The following SDHB variants were observed in gnomAD, a reference collection of about 807,000 sequenced individuals.
SDHB encodes succinate dehydrogenase [ubiquinone] iron-sulfur subunit, mitochondrial.
SDHB carries 21 observed loss-of-function variants against 39.7 expected under a neutral mutation model. That is an observed-to-expected ratio of 0.53 (90% CI 0.37 to 0.76). The LOEUF (loss-of-function observed/expected upper bound fraction) is 0.76. SDHB is among the 30% of genes least tolerant of loss of function. SDHB has a pLI of 0.00. For synonymous variants in SDHB, 118 were observed against 117.0 expected (o/e 1.01, Z -0.06); for missense variants, 343 against 350.9 (o/e 0.98, Z 0.18).
chr1:17,037,877 C>T (rs937167024), intron 2 of SDHB, among the ~76,000 whole-genome samples: 1 of 152,144 alleles, frequency 6.6e-6, no homozygotes, highest in Non-Finnish European at 1.5e-5. Context: ...TGGCTCACAC[C>T]TGCAATCCCA....
chr1:17,027,681 G>T, intron 5 of SDHB, 68 bp downstream of exon 5: 1 of 993,080 alleles, frequency 1.0e-6, no homozygotes, highest in Non-Finnish European at 1.6e-6. Context: ...TCCCTGCCAA[G>T]CCACACTCCT....
chr1:17,041,679 A>G (rs1181710891), intron 2 of SDHB, among the ~76,000 whole-genome samples: 3 of 152,188 alleles, frequency 2.0e-5, no homozygotes, highest in Non-Finnish European at 4.4e-5. Context: ...AAAAATAAAA[A>G]AGAAAAAAAA....
intron 3 of SDHB, among the ~76,000 whole-genome samples, chr1:17,031,545 G>A (rs2078022852): frequency 6.6e-6 from 1 of 152,150 alleles, no homozygotes; most frequent in African/African-American, 2.4e-5. Flanking sequence ...GAAGGCTGCT[G>A]TTTAACTGCC....
Position 17,018,817 on chromosome 1 carries a change from C to G in SDHB, c.*64G>C. 1 of 1,198,704 alleles carries G rather than the reference C, an allele frequency of 8.3e-7. No homozygotes were observed. The highest frequency in any genetic ancestry group is 1.2e-5 in the South Asian group (1 of 81,316). The allele number at this position is 1,198,704 out of a possible 1,614,324, so 74.3% of individuals were successfully genotyped here. A position where few individuals can be genotyped will look rare whatever the true frequency, so the allele number is the denominator to read the frequency against. ...GAAAACCAAGATCTTTAAAGGAACT[C>G]AAATTAGATATAAATTATGTTCAGC... On this transcript the variant is annotated 3_prime_UTR_variant, in exon 8 of 8. Coordinates refer to ENST00000375499, the MANE Select transcript of SDHB (RefSeq NM_003000.3).
chr1:17,020,185 T>C (rs2077954008), intron 7 of SDHB, among the ~76,000 whole-genome samples: 1 of 152,174 alleles, frequency 6.6e-6, no homozygotes, highest in Non-Finnish European at 1.5e-5. Context: ...TACCTGTGTA[T>C]TTCCGGTCCC....
chr1:17,032,959 G>GTCTCTATCTGGAAC (rs2078031384), intron 3 of SDHB, 101 bp downstream of exon 3: 2 of 859,580 alleles, frequency 2.3e-6, no homozygotes, highest in Admixed American at 3.7e-5. Context: ...ACCCAGCAGA[G>GTCTCTATCTGGAAC]AGCTGCAGCT....
At chr1:17,031,220 T>C (rs2078021372) in intron 3 of SDHB, among the ~76,000 whole-genome samples, 1 of 152,158 alleles carries the variant, frequency 6.6e-6, no homozygotes, top group South Asian at 2.1e-4. Flanking sequence ...GACTGGATAT[T>C]ATCAATACAT....
At position 17,033,111 on chromosome 1, in the gene SDHB, T is replaced by A. The variant is rs771524558; in HGVS notation, c.235A>T (p.Ile79Phe). The change falls in exon 3 of 8, where the codon ATT becomes TTT. Residue 79 changes from isoleucine (I) to phenylalanine (F), a missense_variant. Coordinates refer to ENST00000375499, the MANE Select transcript of SDHB (RefSeq NM_003000.3). ...AAAGTAGAGTCAACTTCATTCTTAA[T>A]CTTGATTAAAGCATCCAATACCATG... is the stretch of plus-strand genomic sequence containing the variant. ...GPMVLDALIKIKNEVDSTLTF... is the reference protein window; with the variant it reads ...GPMVLDALIKFKNEVDSTLTF... The A allele has an allele frequency of 1.2e-6, 2 of 1,613,962 alleles. No homozygotes were observed. Among genetic ancestry groups the A allele is most frequent in the Admixed American group, 3.3e-5 (2 of 60,024 alleles).
At chr1:17,037,672 G>C (rs1410182268) in intron 2 of SDHB, among the ~76,000 whole-genome samples, 3 of 152,194 alleles carry the variant, frequency 2.0e-5, no homozygotes, top group Non-Finnish European at 4.4e-5. Flanking sequence ...GTCCAGGGTG[G>C]TCTTGAACTC....
intron 1 of SDHB, among the ~76,000 whole-genome samples, chr1:17,050,711 C>A (rs1180530865): frequency 6.6e-6 from 1 of 151,558 alleles, no homozygotes; most frequent in Non-Finnish European, 1.5e-5. Flanking sequence ...GGGGGTTTAC[C>A]AGAATGAAAG....
At chr1:17,023,045 A>C (rs551375616) in intron 6 of SDHB, 2 of 375,310 alleles carry the variant, frequency 5.3e-6, no homozygotes, top group African/African-American at 4.2e-5. Context: ...TAATTTGGTG[A>C]AGGCAGGGAC....
At chr1:17,037,043 T>C (rs1354035867) in intron 2 of SDHB, among the ~76,000 whole-genome samples, 1 of 152,056 alleles carries the variant, frequency 6.6e-6, no homozygotes, top group Non-Finnish European at 1.5e-5. Flanking sequence ...TGAAAGAATA[T>C]AGCTATTTTT....
At chr1:17,030,017 C>T (rs1199499906) in intron 3 of SDHB, among the ~76,000 whole-genome samples, 2 of 152,132 alleles carry the variant, frequency 1.3e-5, no homozygotes, top group East Asian at 3.9e-4. Context: ...GTTTGGCCAA[C>T]ATGGTAACCC....
At chr1:17,045,902 A>G (rs11203287) in intron 1 of SDHB, among the ~76,000 whole-genome samples, 64,006 of 152,012 alleles carry the variant, frequency 0.42, 15,126 homozygotes, top group Non-Finnish European at 0.54. Context: ...CCACTTGCTC[A>G]ATCCCACTCC....
intron 3 of SDHB, among the ~76,000 whole-genome samples, chr1:17,031,882 G>A (rs1432284522): frequency 6.6e-6 from 1 of 152,094 alleles, no homozygotes; most frequent in Non-Finnish European, 1.5e-5. Flanking sequence ...GCTGACTCCC[G>A]GCTCTCAAGT....
At chr1:17,044,402 G>A (rs1307616780) in intron 2 of SDHB, among the ~76,000 whole-genome samples, 2 of 149,802 alleles carry the variant, frequency 1.3e-5, no homozygotes, top group Non-Finnish European at 3.0e-5. Context: ...TCAGCTCACT[G>A]CAACCTCTGC....
chr1:17,044,690 A>G, intron 2 of SDHB, 71 bp downstream of exon 2: 7 of 1,537,960 alleles, frequency 4.6e-6, no homozygotes, highest in Non-Finnish European at 6.3e-6. Context: ...CCTTCCAAGG[A>G]TGTGAAAAGC....
At chr1:17,041,069 G>GC (rs1268468688) in intron 2 of SDHB, among the ~76,000 whole-genome samples, 4 of 152,102 alleles carry the variant, frequency 2.6e-5, no homozygotes, top group African/African-American at 4.8e-5. Flanking sequence ...GGCAGAGGTT[G>GC]CAGTGAGCCA....
intron 2 of SDHB, 102 bp downstream of exon 2, chr1:17,044,659 G>C (rs1219121895): frequency 7.3e-7 from 1 of 1,361,716 alleles, no homozygotes; most frequent in Non-Finnish European, 1.0e-6. Context: ...CAGAGCCATC[G>C]GATGATCTCA....
Sources: gnomAD v4.1 joint callset for allele counts (sites outside exome capture counted in the v4.1 genomes callset) on GRCh38, gnomAD v4.1.1 for gene constraint, MANE v1.5 for transcripts, NCBI Gene and HGNC (gene_info 2026-07-23, HGNC 2026-07-21) for gene names.